Variants in PATE1 observed in about 807,000 individuals in gnomAD.
The protein encoded by PATE1 is prostate and testis expressed 1.
In PATE1, 21 loss-of-function variants were observed where a neutral mutation model predicts 13.1. That is an observed-to-expected ratio of 1.61 (90% CI 1.14 to 2.31). PATE1 has a LOEUF of 2.31. Among genes scored for constraint, PATE1 ranks in the 30% most tolerant of loss-of-function variants. The pLI is 0.00. For missense variants in PATE1, 166 were observed against 147.2 expected (o/e 1.13, Z -0.66); for synonymous variants, 52 against 47.1 (o/e 1.10, Z -0.43).
Position 125,747,726 on chromosome 11 carries a change from T to C in PATE1, c.151T>C (p.Cys51Arg). ...PVIEIVQCRM[C>R]HLQFPGEKCS... The stretch of plus-strand genomic sequence containing the variant: ...GATAGAAATTGTTCAGTGTAGGATG[T>C]GCCACCTCCAGTTCCCAGGAGAAAA... Residue 51 changes from cysteine to arginine, a missense_variant, in exon 4 of 5, where the codon TGC (cysteine) becomes CGC (arginine). Transcript: ENST00000305738. 2 of 1,613,726 alleles carry C rather than the reference T, an allele frequency of 1.2e-6. No individual in the cohort carries two copies. The highest frequency in any genetic ancestry group is 8.5e-7 in the Non-Finnish European group (1 of 1,179,768).
intron 2 of PATE1, 113 bp from the exon 3 acceptor site, chr11:125,747,263 T>C (rs1181677437): frequency 1.5e-5 from 14 of 910,262 alleles, no homozygotes. Flanking sequence ...GGGCCTGGAA[T>C]GGCTCCAGTT....
At chr11:125,748,028 A>T in intron 4 of PATE1, 1 of 664,884 alleles carries the variant, frequency 1.5e-6, no homozygotes, top group East Asian at 3.0e-5. Flanking sequence ...CAGCTAAGGG[A>T]TTAGCATTTT....
chr11:125,747,091 A>C (rs1222666335), intron 2 of PATE1, among the ~76,000 whole-genome samples: 1 of 152,148 alleles, frequency 6.6e-6, no homozygotes, highest in Non-Finnish European at 1.5e-5. Context: ...AAGGGAATGA[A>C]GCAAAAAAGC....
At position 125,748,835 on chromosome 11, in the gene PATE1, C is replaced by CACA; in HGVS notation, c.*102_*103insACA. 1.1e-5 allele frequency: 15 copies of CACA among 1,347,826 alleles called. No homozygotes were observed. The highest frequency in any genetic ancestry group is 4.4e-5 in the African/African-American group (3 of 67,598). The allele number at this position is 1,347,826 out of a possible 1,614,324, so 83.5% of individuals were successfully genotyped here. A position where few individuals can be genotyped will look rare whatever the true frequency, so the allele number is the denominator to read the frequency against. On this transcript the variant is annotated 3_prime_UTR_variant, in exon 5 of 5. Transcript: ENST00000305738. ...AAAATCACACACACACACACACACA[C>CACA]TACAGAAGAGGATTGCAAACACATG...
rs775059825 is a variant in PATE1 at position 125,746,653 on chromosome 11, T to C, written c.53-8T>C. 73 of 1,613,648 alleles carry C rather than the reference T, an allele frequency of 4.5e-5. No homozygotes were observed. In the South Asian group the frequency reaches 6.8e-4, roughly 15 times the overall value. On this transcript the variant is annotated splice_region_variant and splice_polypyrimidine_tract_variant and intron_variant, in intron 1 of 4. Coordinates refer to ENST00000305738, the MANE Select transcript of PATE1 (RefSeq NM_138294.3). ...TGCAGACAGTGTATCTCTTTTTTTT[T>C]CCAACAGCATTATCTGGATCACTTT...
chr11:125,746,286 G>T lies in PATE1; in HGVS notation c.-19G>T. ...CTCTCGAAGCTTCGTGCTGTAGCCT[G>T]GCCCTCCCTCTTTCCAAAATGGACA... On this transcript the variant is annotated 5_prime_UTR_variant, in exon 1 of 5. Coordinates refer to ENST00000305738, the MANE Select transcript of PATE1 (RefSeq NM_138294.3). 11 of 1,613,284 alleles carry T rather than the reference G, an allele frequency of 6.8e-6. No homozygotes were observed. Among genetic ancestry groups the T allele is most frequent in the Non-Finnish European group, 9.3e-6 (11 of 1,179,346 alleles).
At position 125,748,831 on chromosome 11, in the gene PATE1, CA is replaced by C. The variant is rs1268981100; in HGVS notation, c.*99del. The C allele has an allele frequency of 2.1e-3, 2,879 of 1,360,906 alleles. No individual in the cohort carries two copies. Among genetic ancestry groups the C allele is most frequent in the Middle Eastern group, 2.9e-3 (14 of 4,770 alleles). 84.3% of individuals were successfully genotyped at this position (1,360,906 alleles called of 1,614,324 possible). A position where few individuals can be genotyped will look rare whatever the true frequency, so the allele number is the denominator to read the frequency against. ...AAAAAAAATCACACACACACACACA[CA>C]CACTACAGAAGAGGATTGCAAACAC... On this transcript the variant is annotated 3_prime_UTR_variant, in exon 5 of 5. Transcript: ENST00000305738.
At chr11:125,748,512 T>G in intron 4 of PATE1, 88 bp from the exon 5 acceptor site, 1 of 1,433,564 alleles carries the variant, frequency 7.0e-7, no homozygotes, top group Non-Finnish European at 9.4e-7. Context: ...ACAAGATTAT[T>G]TCTATATGTT....
chr11:125,746,805 C>T, intron 2 of PATE1, 109 bp downstream of exon 2: 1 of 1,122,952 alleles, frequency 8.9e-7, no homozygotes, highest in African/African-American at 1.5e-5. Flanking sequence ...ACGAATAGAC[C>T]TTGAGTTCCA....
chr11:125,746,468 C>A, intron 1 of PATE1, 112 bp downstream of exon 1: 1 of 1,372,190 alleles, frequency 7.3e-7, no homozygotes, highest in Non-Finnish European at 1.0e-6. Flanking sequence ...GCATGATGAG[C>A]TTCTGTTCTA....
At chr11:125,748,450 G>C in intron 4 of PATE1, 150 bp from the exon 5 acceptor site, 6 of 994,666 alleles carry the variant, frequency 6.0e-6, no homozygotes, top group Non-Finnish European at 8.6e-6. Context: ...GAAGCCCCCA[G>C]CTTGCAACAT....
At chr11:125,746,469 T>G in intron 1 of PATE1, 113 bp downstream of exon 1, 3 of 1,374,510 alleles carry the variant, frequency 2.2e-6, no homozygotes, top group Non-Finnish European at 3.1e-6. Context: ...CATGATGAGC[T>G]TCTGTTCTAA....
intron 3 of PATE1, 60 bp from the exon 4 acceptor site, chr11:125,747,639 AG>A (rs1401472664): frequency 1.3e-4 from 209 of 1,601,250 alleles, no homozygotes; most frequent in Non-Finnish European, 1.8e-4. Flanking sequence ...AAAAGGGGAG[AG>A]GGGTTCTTTC....
At chr11:125,748,525 T>C in intron 4 of PATE1, 75 bp from the exon 5 acceptor site, 1 of 1,503,860 alleles carries the variant, frequency 6.6e-7, no homozygotes, top group African/African-American at 1.4e-5. Flanking sequence ...TATATGTTGG[T>C]GTGGTCTGGA....
In PATE1 at chr11:125,748,779, G is replaced by C; in HGVS notation, c.*46G>C. 6.3e-7 allele frequency: 1 copy of C among 1,598,236 alleles called. No homozygotes were observed. Among genetic ancestry groups the C allele is most frequent in the Non-Finnish European group, 8.5e-7 (1 of 1,171,836 alleles). On this transcript the variant is annotated 3_prime_UTR_variant, in exon 5 of 5. Coordinates refer to ENST00000305738, the MANE Select transcript of PATE1 (RefSeq NM_138294.3). ...ACTCCAATTTCTGGGTGAGGTTGTT[G>C]CCTCAGCCTCTTCACAATGACTTTC...
intron 4 of PATE1, 63 bp from the exon 5 acceptor site, chr11:125,748,536 GA>G (rs1448394625): frequency 8.1e-5 from 128 of 1,574,930 alleles, no homozygotes; most frequent in Non-Finnish European, 1.1e-4. Context: ...GTGGTCTGGA[GA>G]AAAGTTTTTT....
At chr11:125,746,472 T>A (rs1034036951) in intron 1 of PATE1, 116 bp downstream of exon 1, 18 of 1,334,392 alleles carry the variant, frequency 1.3e-5, no homozygotes, top group Non-Finnish European at 1.9e-5. Flanking sequence ...GATGAGCTTC[T>A]GTTCTAATGT....
intron 4 of PATE1, 102 bp downstream of exon 4, chr11:125,747,924 C>G: frequency 6.6e-7 from 1 of 1,505,334 alleles, no homozygotes; most frequent in Non-Finnish European, 9.0e-7. Flanking sequence ...TTACTATAGG[C>G]AGTCTCATAC....
chr11:125,747,886 A>C, intron 4 of PATE1, 64 bp downstream of exon 4: 1 of 1,599,544 alleles, frequency 6.3e-7, no homozygotes, highest in East Asian at 2.2e-5. Flanking sequence ...TATCAGCCAC[A>C]GGGGAAAGGA....
Sources: gnomAD v4.1 joint callset for allele counts (sites outside exome capture counted in the v4.1 genomes callset) on GRCh38, gnomAD v4.1.1 for gene constraint, MANE v1.5 for transcripts, NCBI Gene and HGNC (gene_info 2026-07-23, HGNC 2026-07-21) for gene names.